Variants in LTBP1 observed in about 807,000 individuals in gnomAD.
LTBP1 encodes the protein latent transforming growth factor beta binding protein 1.
In LTBP1, 129 loss-of-function variants were observed where a neutral mutation model predicts 207.6. That is an observed-to-expected ratio of 0.62 (90% CI 0.54 to 0.72). The LOEUF (loss-of-function observed/expected upper bound fraction) is 0.72. Ranked by LOEUF, LTBP1 falls within the 30% of genes least tolerant of loss-of-function variation. The pLI is 0.00. For synonymous variants in LTBP1, 963 were observed against 833.7 expected (o/e 1.16, Z -2.67); for missense variants, 2,281 against 2,217.2 (o/e 1.03, Z -0.58).
intron 31 of LTBP1, among the ~76,000 whole-genome samples, chr2:33,367,943 G>A (rs1045704474): frequency 1.3e-5 from 2 of 152,142 alleles, no homozygotes; most frequent in Non-Finnish European, 2.9e-5. Context: ...GGCCGTGCGC[G>A]GTGGCTCATG....
At chr2:33,376,023 C>T (rs1473782350) in intron 31 of LTBP1, among the ~76,000 whole-genome samples, 2 of 152,088 alleles carry the variant, frequency 1.3e-5, no homozygotes, top group African/African-American at 4.8e-5. Context: ...ACGGATTAAA[C>T]TTAAAAGTTA....
intron 12 of LTBP1, among the ~76,000 whole-genome samples, chr2:33,257,996 T>C (rs2092909467): frequency 6.6e-6 from 1 of 152,190 alleles, no homozygotes; most frequent in South Asian, 2.1e-4. Context: ...CCTAGTGTGG[T>C]TCTTCCATTT....
chr2:33,266,582 A>G (rs2093184615), intron 15 of LTBP1, among the ~76,000 whole-genome samples: 1 of 152,098 alleles, frequency 6.6e-6, no homozygotes, highest in Non-Finnish European at 1.5e-5. Context: ...TCACCCATGG[A>G]CCAATCAGCA....
At chr2:32,985,259 A>T (rs576163846) in intron 2 of LTBP1, among the ~76,000 whole-genome samples, 1 of 97,948 alleles carries the variant, frequency 1.0e-5, no homozygotes, top group Non-Finnish European at 2.7e-5. Context: ...GCTGAGTGAC[A>T]TGGTACTGTC....
intron 7 of LTBP1, among the ~76,000 whole-genome samples, chr2:33,209,741 A>G (rs946534673): frequency 6.6e-6 from 1 of 152,190 alleles, no homozygotes; most frequent in African/African-American, 2.4e-5. Flanking sequence ...TCGAATAACT[A>G]CTAGATTAAT....
intron 8 of LTBP1, among the ~76,000 whole-genome samples, chr2:33,220,881 G>C (rs371936021): frequency 1.3e-5 from 2 of 152,224 alleles, no homozygotes; most frequent in East Asian, 3.9e-4. Flanking sequence ...TGAAGAGAGG[G>C]GAAATACAGC....
intron 5 of LTBP1, among the ~76,000 whole-genome samples, chr2:33,183,479 C>A (rs748497422): frequency 1.3e-5 from 2 of 152,152 alleles, no homozygotes; most frequent in African/African-American, 4.8e-5. Context: ...TCATGATTTG[C>A]GAACCAAAGA....
chr2:33,341,729 A>AATATATATATATATATATATATATAT (rs56171359), intron 24 of LTBP1, among the ~76,000 whole-genome samples: 2 of 93,634 alleles, frequency 2.1e-5, no homozygotes, highest in East Asian at 3.3e-4. Context: ...AAAAAAAAAA[A>AATATATATATATATATATATATATAT]ATATATATAT....
At position 33,243,732 on chromosome 2, in the gene LTBP1, A is replaced by C; in HGVS notation, c.1947A>C (p.Arg649=). ...GECLNTMGSY[R]CTCKIGFGPD... The stretch of plus-strand genomic sequence containing the variant: ...GTTTGAATACCATGGGCAGCTATCG[A>C]TGTACCTGCAAAATAGGATTTGGGC... The change falls in exon 10 of 34, where the codon CGA becomes CGC. Residue 649 remains arginine (R), a synonymous_variant. Transcript: ENST00000404816. 3.7e-6 allele frequency: 6 copies of C among 1,613,582 alleles called. No homozygotes were observed. The highest frequency in any genetic ancestry group is 4.2e-6 in the Non-Finnish European group (5 of 1,179,494).
At chr2:33,140,668 A>AT (rs1491029745) in intron 5 of LTBP1, among the ~76,000 whole-genome samples, 1 of 101,938 alleles carries the variant, frequency 9.8e-6, no homozygotes, top group Non-Finnish European at 2.0e-5. Context: ...TTAATTAATT[A>AT]ATTTTTTTTT....
At chr2:33,040,776 C>T (rs889281926) in intron 3 of LTBP1, among the ~76,000 whole-genome samples, 5 of 152,194 alleles carry the variant, frequency 3.3e-5, no homozygotes, top group South Asian at 2.1e-4. Flanking sequence ...GGAACAGAGC[C>T]GGCTGCAGTG....
At chr2:33,045,573 T>C in intron 3 of LTBP1, among the ~76,000 whole-genome samples, 1 of 152,236 alleles carries the variant, frequency 6.6e-6, no homozygotes, top group Non-Finnish European at 1.5e-5. Context: ...TTCTTTTTGC[T>C]TAGGATTGTC....
intron 19 of LTBP1, among the ~76,000 whole-genome samples, chr2:33,284,977 C>G (rs1236613353): frequency 1.3e-5 from 2 of 151,016 alleles, no homozygotes; most frequent in Non-Finnish European, 3.0e-5. Context: ...CTCTTGTCCT[C>G]AAACATAAGA....
chr2:33,155,771 C>G (rs2083924713), intron 5 of LTBP1, among the ~76,000 whole-genome samples: 1 of 152,118 alleles, frequency 6.6e-6, no homozygotes, highest in Non-Finnish European at 1.5e-5. Flanking sequence ...CTTTTTAGGC[C>G]ATACAAAAAT....
At chr2:33,199,657 T>A (rs554086845) in intron 7 of LTBP1, among the ~76,000 whole-genome samples, 49 of 152,276 alleles carry the variant, frequency 3.2e-4, no homozygotes, top group African/African-American at 1.1e-3. Context: ...ATAAAGGGTA[T>A]TCAGTTAGGA....
chr2:33,104,897 C>T (rs1373279644), intron 3 of LTBP1, among the ~76,000 whole-genome samples: 3 of 152,120 alleles, frequency 2.0e-5, no homozygotes, highest in Non-Finnish European at 4.4e-5. Context: ...ATTGCACTTA[C>T]TTTTCCCCTC....
intron 2 of LTBP1, among the ~76,000 whole-genome samples, chr2:32,975,162 T>A (rs921368636): frequency 5.9e-5 from 9 of 152,224 alleles, no homozygotes; most frequent in Non-Finnish European, 2.9e-5. Flanking sequence ...TATAAAACTC[T>A]TGGTTGAAGT....
intron 19 of LTBP1, among the ~76,000 whole-genome samples, chr2:33,292,766 G>A (rs1459693374): frequency 6.6e-6 from 1 of 152,036 alleles, no homozygotes; most frequent in East Asian, 1.9e-4. Flanking sequence ...TTGCTTTTGT[G>A]AACTCTCCCA....
chr2:33,262,101 G>A (rs1394780683), intron 13 of LTBP1, among the ~76,000 whole-genome samples: 1 of 152,084 alleles, frequency 6.6e-6, no homozygotes, highest in African/African-American at 2.4e-5. Context: ...GACAAGCGTG[G>A]GCACCAAAAT....
Sources: gnomAD v4.1 joint callset for allele counts (sites outside exome capture counted in the v4.1 genomes callset) on GRCh38, gnomAD v4.1.1 for gene constraint, MANE v1.5 for transcripts, NCBI Gene and HGNC (gene_info 2026-07-23, HGNC 2026-07-21) for gene names.